FRMD4A: variants seen among roughly 807,000 people sequenced by gnomAD.
FRMD4A encodes the protein FERM domain containing 4A, also known as FERM domain-containing protein 4A.
FRMD4A carries 29 observed loss-of-function variants against 129.1 expected under a neutral mutation model. The observed-to-expected ratio is 0.22, with a 90% confidence interval of 0.17 to 0.31. The LOEUF (loss-of-function observed/expected upper bound fraction) is 0.31. Among genes scored for constraint, FRMD4A ranks in the 10% least tolerant of loss-of-function variants. FRMD4A has a pLI of 1.00. For synonymous variants in FRMD4A, 634 were observed against 571.6 expected (o/e 1.11, Z -1.56); for missense variants, 1,272 against 1,375.8 (o/e 0.92, Z 1.19).
intron 2 of FRMD4A, among the ~76,000 whole-genome samples, chr10:13,933,287 A>AT (rs1462319916): frequency 9.5e-5 from 12 of 126,420 alleles, no homozygotes; most frequent in Admixed American, 5.5e-4. Context: ...TGACTTTGTA[A>AT]CTTACTTCAT....
chr10:14,220,883 C>G (rs997744967), intron 2 of FRMD4A, among the ~76,000 whole-genome samples: 1 of 151,320 alleles, frequency 6.6e-6, no homozygotes, highest in African/African-American at 2.4e-5. Flanking sequence ...GTATCAGGGA[C>G]CAGGAACTCT....
At chr10:13,843,329 C>T (rs2093996379) in intron 3 of FRMD4A, among the ~76,000 whole-genome samples, 1 of 152,146 alleles carries the variant, frequency 6.6e-6, no homozygotes, top group Non-Finnish European at 1.5e-5. Flanking sequence ...TGATTTCAAT[C>T]AGTCACCTTG....
intron 2 of FRMD4A, among the ~76,000 whole-genome samples, chr10:14,047,620 C>G (rs1439704463): frequency 6.6e-6 from 1 of 152,116 alleles, no homozygotes; most frequent in African/African-American, 2.4e-5. Flanking sequence ...AAGAAGAGCC[C>G]CATTGTACTA....
intron 2 of FRMD4A, among the ~76,000 whole-genome samples, chr10:13,920,317 G>A (rs993788099): frequency 5.0e-4 from 76 of 152,230 alleles, no homozygotes; most frequent in African/African-American, 1.7e-3. Flanking sequence ...CCATGTTTTT[G>A]TCTCCTTAGG....
At chr10:14,136,341 G>A (rs1839533031) in intron 2 of FRMD4A, among the ~76,000 whole-genome samples, 2 of 152,160 alleles carry the variant, frequency 1.3e-5, no homozygotes, top group South Asian at 4.2e-4. Context: ...AAAATTCCTT[G>A]TGGACCTTGA....
chr10:13,760,006 T>C (rs773138252), intron 8 of FRMD4A, among the ~76,000 whole-genome samples: 4 of 151,994 alleles, frequency 2.6e-5, no homozygotes, highest in Non-Finnish European at 5.9e-5. Flanking sequence ...GAACTAAGGA[T>C]GGCTTTTACA....
intron 19 of FRMD4A, among the ~76,000 whole-genome samples, chr10:13,660,870 C>G (rs527432715): frequency 2.6e-5 from 4 of 152,328 alleles, no homozygotes; most frequent in Non-Finnish European, 4.4e-5. Context: ...TCACACTAAA[C>G]AGCAAAATGT....
At chr10:13,972,111 C>T (rs1341954352) in intron 2 of FRMD4A, 6 of 1,090,772 alleles carry the variant, frequency 5.5e-6, no homozygotes, top group African/African-American at 3.2e-5. Flanking sequence ...CAGATAACGG[C>T]ACATCCCTGT....
At chr10:14,201,663 T>G (rs989307883) in intron 2 of FRMD4A, among the ~76,000 whole-genome samples, 2 of 152,230 alleles carry the variant, frequency 1.3e-5, no homozygotes, top group Admixed American at 6.5e-5. Flanking sequence ...TGGCTTCAGC[T>G]GTTGCCAAAC....
chr10:13,687,045 T>C (rs1007197688), intron 15 of FRMD4A, among the ~76,000 whole-genome samples: 4 of 152,158 alleles, frequency 2.6e-5, no homozygotes, highest in Non-Finnish European at 5.9e-5. Context: ...AATCCCAGCA[T>C]GTTGGGAGGC....
intron 2 of FRMD4A, among the ~76,000 whole-genome samples, chr10:14,127,778 T>G (rs909798622): frequency 5.9e-5 from 9 of 152,210 alleles, no homozygotes; most frequent in African/African-American, 1.9e-4. Context: ...CAAAATACCT[T>G]TGGTCCATCT....
chr10:14,148,832 C>T (rs895295820), intron 2 of FRMD4A, among the ~76,000 whole-genome samples: 8 of 151,922 alleles, frequency 5.3e-5, no homozygotes, highest in Middle Eastern at 3.2e-3. Flanking sequence ...ACTTACACAC[C>T]TAGAAACATT....
At chr10:13,753,394 A>G (rs1049373502) in intron 8 of FRMD4A, among the ~76,000 whole-genome samples, 6 of 152,178 alleles carry the variant, frequency 3.9e-5, no homozygotes, top group Non-Finnish European at 7.3e-5. Context: ...CCATTCACAG[A>G]CAAAGGGAAT....
intron 2 of FRMD4A, among the ~76,000 whole-genome samples, chr10:14,259,981 A>T (rs564167703): frequency 6.6e-6 from 1 of 151,930 alleles, no homozygotes; most frequent in South Asian, 2.1e-4. Flanking sequence ...GAAAAAAAGA[A>T]TCTCTAAGGA....
chr10:13,669,934 C>T (rs1049080116), intron 17 of FRMD4A, among the ~76,000 whole-genome samples: 1 of 152,210 alleles, frequency 6.6e-6, no homozygotes, highest in Non-Finnish European at 1.5e-5. Flanking sequence ...ATGTGAGTAG[C>T]CAGGTGAGGC....
intron 2 of FRMD4A, among the ~76,000 whole-genome samples, chr10:13,943,501 A>G (rs1358402637): frequency 6.6e-6 from 1 of 151,808 alleles, no homozygotes; most frequent in Admixed American, 6.6e-5. Context: ...TACAAAAATT[A>G]GCTGGGCGTG....
chr10:13,992,623 C>T (rs2095607213), intron 2 of FRMD4A, among the ~76,000 whole-genome samples: 1 of 152,158 alleles, frequency 6.6e-6, no homozygotes, highest in Non-Finnish European at 1.5e-5. Context: ...GAAAATACAG[C>T]ATAACTATGT....
chr10:13,965,776 A>C (rs1218783836), intron 2 of FRMD4A, among the ~76,000 whole-genome samples: 1 of 152,240 alleles, frequency 6.6e-6, no homozygotes, highest in Non-Finnish European at 1.5e-5. Context: ...ATACCATGCG[A>C]AAGACAGACT....
intron 2 of FRMD4A, among the ~76,000 whole-genome samples, chr10:14,201,625 C>T (rs1842639415): frequency 6.6e-6 from 1 of 152,210 alleles, no homozygotes; most frequent in Admixed American, 6.5e-5. Flanking sequence ...AGAGAACCCC[C>T]TCTCTAAACT....
Sources: gnomAD v4.1 joint callset for allele counts (sites outside exome capture counted in the v4.1 genomes callset) on GRCh38, gnomAD v4.1.1 for gene constraint, MANE v1.5 for transcripts, NCBI Gene and HGNC (gene_info 2026-07-23, HGNC 2026-07-21) for gene names.